Variants in ACOX1 observed in about 807,000 individuals in gnomAD.
The protein encoded by ACOX1 is peroxisomal acyl-coenzyme A oxidase 1.
ACOX1 carries 41 observed loss-of-function variants against 75.5 expected under a neutral mutation model. That is an observed-to-expected ratio of 0.54 (90% CI 0.42 to 0.70). ACOX1 has a LOEUF of 0.70. Among genes scored for constraint, ACOX1 ranks in the 30% least tolerant of loss-of-function variants. The pLI is 0.00. For synonymous variants in ACOX1, 303 were observed against 298.8 expected (o/e 1.01, Z -0.15); for missense variants, 630 against 837.5 (o/e 0.75, Z 3.06).
rs1157267665 is a variant in ACOX1 at position 75,943,030 on chromosome 17, C to A, written c.*3718G>T. ...GTGTGGGGGGAGTGGGAGTGCAGAT[C>A]ACCTGGCCAACATGGTGAAACTCCA... On this transcript the variant is annotated 3_prime_UTR_variant, in exon 14 of 14. Coordinates refer to ENST00000293217, the MANE Select transcript of ACOX1 (RefSeq NM_004035.7). The A allele has an allele frequency of 6.6e-6, 1 of 151,798 alleles. No individual in the cohort carries two copies. Among genetic ancestry groups the A allele is most frequent in the Non-Finnish European group, 1.5e-5 (1 of 67,976 alleles). 9.4% of individuals were successfully genotyped at this position (151,798 alleles called of 1,614,324 possible).
intron 2 of ACOX1, among the ~76,000 whole-genome samples, chr17:75,974,808 G>A (rs1371927555): frequency 6.6e-6 from 1 of 152,102 alleles, no homozygotes; most frequent in Non-Finnish European, 1.5e-5. Context: ...CAAGGCGGGT[G>A]GATCACGAGG....
chr17:75,968,036 G>A, intron 2 of ACOX1, among the ~76,000 whole-genome samples: 1 of 151,124 alleles, frequency 6.6e-6, no homozygotes, highest in Admixed American at 6.6e-5. Flanking sequence ...ATTGCACCCA[G>A]CCAAAAAACC....
chr17:75,949,341 A>G lies in ACOX1; in HGVS notation c.1604T>C (p.Val535Ala), dbSNP rs757038192. The change falls in exon 12 of 14, where the codon GTA (valine) becomes GCA (alanine). Residue 535 changes from valine to alanine, a missense_variant. Physicochemically the swap from Val to Ala is moderately conservative, Grantham distance 64. This residue lies in a region of ACOX1 where 240 missense variants were observed against 262.7 expected (regional missense o/e 0.91). Coordinates refer to ENST00000293217, the MANE Select transcript of ACOX1 (RefSeq NM_004035.7). ...GAGTTTTTCTGAAAAGAGCTTAACT[A>G]CCACATAGTGGCAATGTGCCTAAGA... is the stretch of plus-strand genomic sequence containing the variant. The part of the protein sequence containing the change: ...RASEAHCHYV[V>A]VKLFSEKLLK... 1 of 1,614,154 alleles carries G rather than the reference A, an allele frequency of 6.2e-7. No homozygotes were observed. The highest frequency in any genetic ancestry group is 8.5e-7 in the Non-Finnish European group (1 of 1,180,030).
Position 75,979,012 on chromosome 17 carries a change from T to C in ACOX1, c.62A>G (p.His21Arg). Residue 21 changes from histidine to arginine, a missense_variant, in exon 1 of 14, where the codon CAC becomes CGC. Physicochemically the swap from His to Arg is conservative, Grantham distance 29. This residue lies in a region of ACOX1 where 390 missense variants were observed against 574.9 expected (regional missense o/e 0.68). Transcript: ENST00000293217. The stretch of plus-strand genomic sequence containing the variant: ...TTTCTCGGGGCTGCCGTCCAGGATG[T>C]GTGTAAGCAGCTCCGGGTTGAAGCT... Reference protein sequence around the residue: ...SASFNPELLTHILDGSPEKTR... With the variant: ...SASFNPELLTRILDGSPEKTR... 6.2e-7 allele frequency: 1 copy of C among 1,611,950 alleles called. No individual in the cohort carries two copies. The highest frequency in any genetic ancestry group is 8.5e-7 in the Non-Finnish European group (1 of 1,179,910).
At position 75,979,075 on chromosome 17, in the gene ACOX1, G is replaced by A. The variant is rs2066089999; in HGVS notation, c.-2C>T. The A allele has an allele frequency of 1.9e-6, 3 of 1,611,210 alleles. No homozygotes were observed. The highest frequency in any genetic ancestry group is 2.5e-6 in the Non-Finnish European group (3 of 1,179,968). On this transcript the variant is annotated 5_prime_UTR_variant, in exon 1 of 14. Coordinates refer to ENST00000293217, the MANE Select transcript of ACOX1 (RefSeq NM_004035.7). ...CTCCCTGCGCAGGTCCGGGTTCATG[G>A]CGACGACCAGCTGGCAGCGAAGTAA...
intron 2 of ACOX1, chr17:75,973,546 G>GA (rs534078366): frequency 5.4e-4 from 806 of 1,497,356 alleles, no homozygotes; most frequent in Non-Finnish European, 6.8e-4. Context: ...GGTAGCAGCA[G>GA]AAAAAAGTCA....
intron 2 of ACOX1, among the ~76,000 whole-genome samples, chr17:75,968,651 A>ACT (rs2065964478): frequency 6.7e-6 from 1 of 149,236 alleles, no homozygotes. Context: ...GGCCATGTGC[A>ACT]GTGGCTCATG....
intron 13 of ACOX1, 43 bp downstream of exon 13, chr17:75,948,208 A>G (rs761148748): frequency 6.3e-7 from 1 of 1,596,314 alleles, no homozygotes; most frequent in Non-Finnish European, 8.6e-7. Context: ...TTCAATATTT[A>G]AGTGAAGACT....
intron 13 of ACOX1, among the ~76,000 whole-genome samples, chr17:75,947,404 C>T (rs1380578975): frequency 1.3e-5 from 2 of 152,044 alleles, no homozygotes; most frequent in Admixed American, 6.6e-5. Context: ...TGCGCCACCA[C>T]GCCTGGCTAA....
rs2144262716 is a variant in ACOX1 at position 75,957,490 on chromosome 17, A to G, written c.507T>C (p.Thr169=). 1 of 1,614,156 alleles carries G rather than the reference A, an allele frequency of 6.2e-7. No homozygotes were observed. Among genetic ancestry groups the G allele is most frequent in the African/African-American group, 1.3e-5 (1 of 75,050 alleles). ...CAGGCCACCATTTAATGGAGGTCAC[A>G]GTAGGACTGTTGAGAATGAACTCCT... is the stretch of plus-strand genomic sequence containing the variant. The part of the protein sequence containing the change: ...ETQEFILNSP[T]VTSIKWWPGG... Residue 169 remains threonine, a synonymous_variant, in exon 4 of 14, where the codon ACT becomes ACC. Transcript: ENST00000293217.
rs1170303997 is a variant in ACOX1 at position 75,956,910 on chromosome 17, CCTCTCTCTCTCTCTCTCTCTCTCTCT to C, written c.538+523_538+548del. ...GGTATGTGCCGCTATGCCTGGCTTT[CCTCTCTCTCTCTCTCTCTCTCTCTCT>C]CTCTCTCTCTCTCTCTCTCTCTCTC... On this transcript the variant is annotated intron_variant, in intron 4 of 13. Coordinates refer to ENST00000293217, the MANE Select transcript of ACOX1 (RefSeq NM_004035.7). Among the ~76,000 whole-genome samples the C allele has an allele frequency of 6.5e-3, 162 of 24,964 alleles. 1 individual carries two copies. Among genetic ancestry groups the C allele is most frequent in the Non-Finnish European group, 9.8e-3 (110 of 11,220 alleles). 16.4% of individuals were successfully genotyped at this position (24,964 alleles called of 152,430 possible).
intron 2 of ACOX1, among the ~76,000 whole-genome samples, chr17:75,972,645 CA>C (rs10606220): frequency 0.27 from 26,819 of 99,154 alleles, 2,788 homozygotes; most frequent in African/African-American, 0.32. Context: ...AACTCTGTCT[CA>C]AAAAAAAAAA....
chr17:75,976,830 T>TAC (rs2144324072), intron 2 of ACOX1, among the ~76,000 whole-genome samples: 1 of 152,144 alleles, frequency 6.6e-6, no homozygotes, highest in Admixed American at 6.5e-5. Flanking sequence ...ACACCACTCA[T>TAC]ACGATTTAGT....
At chr17:75,962,289 A>G (rs1156470514) in intron 2 of ACOX1, among the ~76,000 whole-genome samples, 3 of 152,234 alleles carry the variant, frequency 2.0e-5, no homozygotes, top group Non-Finnish European at 4.4e-5. Flanking sequence ...AGAAATTATC[A>G]TTAATGATAA....
chr17:75,971,062 C>A (rs1033620113), intron 2 of ACOX1, among the ~76,000 whole-genome samples: 1 of 152,130 alleles, frequency 6.6e-6, no homozygotes, highest in African/African-American at 2.4e-5. Context: ...GAGGCCGAGG[C>A]GGGCAGATCA....
Position 75,944,182 on chromosome 17 carries a change from C to T in ACOX1, c.*2566G>A, listed in dbSNP as rs1478706497. On this transcript the variant is annotated 3_prime_UTR_variant, in exon 14 of 14. Transcript: ENST00000293217. ...CCGGGAGGCAGAGGTCACAGTAAGC[C>T]AAGATCCCACCACTGCACTCCAGTC... 1 of 152,146 alleles carries T rather than the reference C, an allele frequency of 6.6e-6. No individual in the cohort carries two copies. The highest frequency in any genetic ancestry group is 1.5e-5 in the Non-Finnish European group (1 of 68,054). 9.4% of individuals were successfully genotyped at this position (152,146 alleles called of 1,614,324 possible). A position where few individuals can be genotyped will look rare whatever the true frequency, so the allele number is the denominator to read the frequency against.
chr17:75,970,319 C>T (rs1405051968), intron 2 of ACOX1, among the ~76,000 whole-genome samples: 1 of 152,086 alleles, frequency 6.6e-6, no homozygotes, highest in Admixed American at 6.6e-5. Context: ...AACAAACGAC[C>T]TGTTTTGTGG....
chr17:75,953,866 A>G (rs117964338), intron 6 of ACOX1, among the ~76,000 whole-genome samples: 1 of 152,360 alleles, frequency 6.6e-6, no homozygotes, highest in East Asian at 1.9e-4. Context: ...TCATTGGTTT[A>G]GCAAATCAAA....
Position 75,948,526 on chromosome 17 carries a change from A to G in ACOX1, c.1729-69T>C, listed in dbSNP as rs79618553. 8.4e-4 allele frequency: 1,097 copies of G among 1,307,788 alleles called. 12 individuals are homozygous for G. The African/African-American group carries it at 0.014, about 17-fold the overall frequency. The allele number at this position is 1,307,788 out of a possible 1,614,324, so 81.0% of individuals were successfully genotyped here. On this transcript the variant is annotated intron_variant, in intron 12 of 13. Transcript: ENST00000293217. ...TAGATAGACATAATTATATGCATAT[A>G]CAGCTATAAAGCGGATGACAATTAT...
Sources: allele counts gnomAD v4.1 joint callset (sites outside exome capture counted in the v4.1 genomes callset), GRCh38; gene constraint gnomAD v4.1.1; regional missense constraint gnomAD v4.1.1; transcripts MANE v1.5; gene names NCBI Gene and HGNC (gene_info 2026-07-23, HGNC 2026-07-21).